The following DAPK2 variants were observed in gnomAD, a reference collection of about 807,000 sequenced individuals.
The protein encoded by DAPK2 is death-associated protein kinase 2.
In DAPK2, 35 loss-of-function variants were observed where a neutral mutation model predicts 44.1. The ratio of observed to expected loss-of-function variants is 0.79; its 90% confidence interval spans 0.61 to 1.05. The LOEUF (loss-of-function observed/expected upper bound fraction) is 1.05, where lower values mean the gene tolerates loss of function less well. DAPK2 is among the 50% of genes least tolerant of loss of function. DAPK2 has a pLI of 0.00. For missense variants in DAPK2, 453 were observed against 483.2 expected, an observed-to-expected ratio of 0.94 and a Z score of 0.59; for synonymous variants, 174 against 182.6, an observed-to-expected ratio of 0.95 and a Z score of 0.38.
chr15:63,932,535 T>TTTTA (rs2076998926), intron 4 of DAPK2: 2 of 120,680 alleles, frequency 1.7e-5, no homozygotes, highest in Admixed American at 1.8e-4. Context: ...TGACACTTTA[T>TTTTA]TTTATTTATT....
At chr15:63,981,552 T>G (rs544200444) in intron 2 of DAPK2, among the ~76,000 whole-genome samples, 1 of 152,066 alleles carries the variant, frequency 6.6e-6, no homozygotes, top group Non-Finnish European at 1.5e-5. Flanking sequence ...AGTACAATGA[T>G]TGTATACAAA....
Position 63,975,620 on chromosome 15 carries a change from A to G in DAPK2, c.315-4059T>C, listed in dbSNP as rs1324315566. ...TTTTCTTTTCTTTTTTTTTTTTGAGACAGAGTCTCATTCTGTTGCCCAGGC... is the reference window on the plus strand; with the variant it reads ...TTTTCTTTTCTTTTTTTTTTTTGAGGCAGAGTCTCATTCTGTTGCCCAGGC... On this transcript the variant is annotated intron_variant, in intron 2 of 10. Coordinates refer to ENST00000261891, the Ensembl canonical transcript of DAPK2. Among the ~76,000 whole-genome samples, 3 of 148,996 alleles carry G rather than the reference A, an allele frequency of 2.0e-5. No homozygotes were observed. The East Asian group carries it at 6.0e-4, about 30-fold the overall frequency.
intron 3 of DAPK2, among the ~76,000 whole-genome samples, chr15:63,961,843 G>A (rs533697927): frequency 2.0e-4 from 30 of 152,278 alleles, no homozygotes; most frequent in African/African-American, 6.5e-4. Context: ...TTCTTGAGGA[G>A]TATCTTTGTG....
At chr15:64,023,147 G>A (rs1223730846) in intron 1 of DAPK2, among the ~76,000 whole-genome samples, 2 of 152,166 alleles carry the variant, frequency 1.3e-5, no homozygotes, top group Admixed American at 1.3e-4. Context: ...GGAGGAGGGT[G>A]GAAGCTGACT....
At position 64,000,172 on chromosome 15, in the gene DAPK2, A is replaced by G. The variant is rs573024076; in HGVS notation, c.93-16418T>C. On this transcript the variant is annotated intron_variant, in intron 1 of 10. Coordinates refer to ENST00000261891, the Ensembl canonical transcript of DAPK2. ...GATACAAAGCACTTGCCTGACTACTACTACTACTACTACTACACACACACA... is the reference window on the plus strand; with the variant it reads ...GATACAAAGCACTTGCCTGACTACTGCTACTACTACTACTACACACACACA... Among the ~76,000 whole-genome samples the G allele has an allele frequency of 1.4e-3, 165 of 120,618 alleles. 2 individuals are homozygous for G. In the South Asian group the frequency reaches 0.031, roughly 22 times the overall value. The allele number at this position is 120,618 out of a possible 152,430, so 79.1% of individuals were successfully genotyped here.
chr15:63,953,677 A>G (rs994674462), intron 3 of DAPK2, among the ~76,000 whole-genome samples: 5 of 152,074 alleles, frequency 3.3e-5, no homozygotes, highest in African/African-American at 1.2e-4. Context: ...TTCTATTTTT[A>G]GTTTTTTGAG....
intron 2 of DAPK2, among the ~76,000 whole-genome samples, chr15:63,975,803 TGGCCAAGCTGGGA>T (rs2078330346): frequency 2.0e-5 from 3 of 152,172 alleles, no homozygotes; most frequent in African/African-American, 7.2e-5. Context: ...TTCACCATAT[TGGCCAAGCTGGGA>T]CTCCTGACCT....
At chr15:64,041,368 T>C (rs924059399), upstream of DAPK2, among the ~76,000 whole-genome samples, 10 of 152,186 alleles carry the variant, frequency 6.6e-5, no homozygotes, top group East Asian at 1.7e-3. Context: ...CTGAAAGCCA[T>C]AGCCCAACTC....
intron 2 of DAPK2, among the ~76,000 whole-genome samples, chr15:63,976,298 CTT>C (rs1319454585): frequency 2.0e-5 from 3 of 152,196 alleles, no homozygotes; most frequent in African/African-American, 7.2e-5. Context: ...TGAATTTTAA[CTT>C]TTATTTAATT....
chr15:64,040,629 T>A (rs1375611409), upstream of DAPK2, among the ~76,000 whole-genome samples: 1 of 151,950 alleles, frequency 6.6e-6, no homozygotes, highest in African/African-American at 2.4e-5. Context: ...TAAAAAAAAA[T>A]GGCCAGGCAT....
At chr15:63,972,567 G>A (rs887645291) in intron 2 of DAPK2, among the ~76,000 whole-genome samples, 2 of 152,208 alleles carry the variant, frequency 1.3e-5, no homozygotes, top group Non-Finnish European at 2.9e-5. Context: ...GGGCATCCTT[G>A]TTATAAAGTA....
chr15:64,007,832 T>C (rs1017479254), intron 1 of DAPK2, among the ~76,000 whole-genome samples: 2 of 152,200 alleles, frequency 1.3e-5, no homozygotes, highest in Non-Finnish European at 2.9e-5. Flanking sequence ...TGGATATTAT[T>C]TGGCAATTAA....
intron 6 of DAPK2, among the ~76,000 whole-genome samples, chr15:63,929,032 C>G (rs1417917590): frequency 6.6e-6 from 1 of 152,050 alleles, no homozygotes; most frequent in African/African-American, 2.4e-5. Context: ...GAAACCCTGT[C>G]TCTACTAAAA....
intron 1 of DAPK2, among the ~76,000 whole-genome samples, chr15:64,002,916 CTGTGTGTG>C (rs3056849): frequency 0.1 from 8,983 of 85,968 alleles, 585 homozygotes; most frequent in African/African-American, 0.13. Context: ...GACTGAGACA[CTGTGTGTG>C]TGTGTGTGTG....
intron 1 of DAPK2, among the ~76,000 whole-genome samples, chr15:63,985,530 G>A (rs1169647851): frequency 6.6e-6 from 1 of 152,226 alleles, no homozygotes; most frequent in Non-Finnish European, 1.5e-5. Context: ...GCCGCTGGCA[G>A]GGCCTGGCAT....
chr15:63,955,191 A>G lies in DAPK2; in HGVS notation c.454-15830T>C, dbSNP rs1045325266. On this transcript the variant is annotated intron_variant, in intron 3 of 10. Coordinates refer to ENST00000261891, the Ensembl canonical transcript of DAPK2. Reference sequence around the variant, plus strand: ...GCTAGGACTTCCAGTATTATGTTGAATAACAGTGGTGAAAGTGGGCATCCT... The same window carrying G: ...GCTAGGACTTCCAGTATTATGTTGAGTAACAGTGGTGAAAGTGGGCATCCT... 2.3e-4 allele frequency among the ~76,000 whole-genome samples: 35 copies of G among 152,190 alleles called. 1 individual carries two copies. Among genetic ancestry groups the G allele is most frequent in the Non-Finnish European group, 4.4e-5 (3 of 68,040 alleles).
At chr15:64,023,046 A>G (rs936883229) in intron 1 of DAPK2, among the ~76,000 whole-genome samples, 6 of 152,112 alleles carry the variant, frequency 3.9e-5, no homozygotes, top group Admixed American at 1.3e-4. Flanking sequence ...CCATCTCTTT[A>G]CCTTCTCTTT....
intron 8 of DAPK2, chr15:63,918,191 C>G (rs1000145543): frequency 6.6e-6 from 1 of 152,326 alleles, no homozygotes; most frequent in Non-Finnish European, 1.5e-5. Context: ...ACCTGTGCTG[C>G]GTGATGGAGT....
In DAPK2 at chr15:63,926,274, T is replaced by G. The variant is rs573800402; in HGVS notation, c.660-181A>C. 41 of 571,262 alleles carry G rather than the reference T, an allele frequency of 7.2e-5. No individual in the cohort carries two copies. The South Asian group carries it at 9.4e-4, about 13-fold the overall frequency. 35.4% of individuals were successfully genotyped at this position (571,262 alleles called of 1,614,324 possible). On this transcript the variant is annotated intron_variant, in intron 6 of 10. Transcript: ENST00000261891. ...TCAGCTAAGTCCAATTCAATACATGTTCATGGAGCTCCTCCTAAGCACCCG... is the reference window on the plus strand; with the variant it reads ...TCAGCTAAGTCCAATTCAATACATGGTCATGGAGCTCCTCCTAAGCACCCG...
Sources: gnomAD v4.1 joint callset for allele counts (sites outside exome capture counted in the v4.1 genomes callset) on GRCh38, gnomAD v4.1.1 for gene constraint, MANE v1.5 for transcripts, NCBI Gene and HGNC (gene_info 2026-07-23, HGNC 2026-07-21) for gene names.